CPEB1: variants seen among roughly 807,000 people sequenced by gnomAD.
The protein encoded by CPEB1 is cytoplasmic polyadenylation element binding protein 1.
In CPEB1, 7 loss-of-function variants were observed where a neutral mutation model predicts 65.8. The observed-to-expected ratio is 0.11, with a 90% CI of 0.06 to 0.20. CPEB1 has a LOEUF of 0.20. Ranked by LOEUF, CPEB1 falls within the 10% of genes least tolerant of loss-of-function variation. The pLI, the probability that CPEB1 is intolerant of heterozygous loss-of-function variation, is 1.00. For missense variants in CPEB1, 551 were observed against 712.2 expected, an observed-to-expected ratio of 0.77 and a Z score of 2.58; for synonymous variants, 262 against 260.0, an observed-to-expected ratio of 1.01 and a Z score of -0.08.
chr15:82,600,285 T>C (rs997943301), intron 3 of CPEB1, among the ~76,000 whole-genome samples: 2 of 152,144 alleles, frequency 1.3e-5, no homozygotes, highest in Admixed American at 6.6e-5. Flanking sequence ...CAATCAAGAA[T>C]TGTGTAACCA....
chr15:82,611,199 C>A (rs2044124441), intron 3 of CPEB1, among the ~76,000 whole-genome samples: 1 of 151,306 alleles, frequency 6.6e-6, no homozygotes. Context: ...GATGATACAC[C>A]CAGAAGGCAT....
chr15:82,580,318 T>G (rs1479232225), intron 3 of CPEB1, among the ~76,000 whole-genome samples: 2 of 141,222 alleles, frequency 1.4e-5, no homozygotes, highest in East Asian at 2.0e-4. Flanking sequence ...AGACTCTGTC[T>G]TAAAAAAAAA....
At chr15:82,603,089 T>C (rs995086973) in intron 3 of CPEB1, among the ~76,000 whole-genome samples, 1 of 152,044 alleles carries the variant, frequency 6.6e-6, no homozygotes, top group African/African-American at 2.4e-5. Context: ...CAACATTCTT[T>C]GTGGCCTTTT....
At chr15:82,592,350 G>A (rs1850272731) in intron 3 of CPEB1, among the ~76,000 whole-genome samples, 2 of 151,920 alleles carry the variant, frequency 1.3e-5, no homozygotes, top group South Asian at 4.2e-4. Context: ...CACTTTGGGA[G>A]GCAGAGATGG....
chr15:82,548,929 C>T (rs1428064988), intron 10 of CPEB1, among the ~76,000 whole-genome samples: 1 of 152,220 alleles, frequency 6.6e-6, no homozygotes, highest in Admixed American at 6.5e-5. Context: ...GAATTGACCT[C>T]CTTTCTCAGA....
chr15:82,565,286 A>T (rs1023780767), intron 4 of CPEB1, among the ~76,000 whole-genome samples: 2 of 152,166 alleles, frequency 1.3e-5, no homozygotes, highest in African/African-American at 4.8e-5. Flanking sequence ...CAGCAAAGAC[A>T]ATGGAAAGAA....
intron 3 of CPEB1, among the ~76,000 whole-genome samples, chr15:82,626,492 A>AG (rs2045790247): frequency 1.3e-5 from 2 of 152,136 alleles, no homozygotes; most frequent in Admixed American, 1.3e-4. Context: ...ACTCAAACCC[A>AG]GAACACTTCA....
chr15:82,555,924 G>C lies in CPEB1; in HGVS notation c.886C>G (p.Pro296Ala). Residue 296 changes from proline to alanine, a missense_variant, in exon 6 of 13, where the codon CCC (proline) becomes GCC (alanine). By Grantham distance (27) the Pro-to-Ala change is conservative. This residue lies in a region of CPEB1 where 128 missense variants were observed against 129.1 expected (regional missense o/e 0.99). Transcript: ENST00000684509. ...CTCTCTATGCTGAAGGGGTCTTTGGGAGCTTCGAGGAGGTCCCAGGATGGC... is the reference window on the plus strand; with the variant it reads ...CTCTCTATGCTGAAGGGGTCTTTGGCAGCTTCGAGGAGGTCCCAGGATGGC... ...VWPSWDLLEA[P>A]KDPFSIEREA... 1.2e-6 allele frequency: 2 copies of C among 1,613,666 alleles called. No homozygotes were observed. Among genetic ancestry groups the C allele is most frequent in the Non-Finnish European group, 1.7e-6 (2 of 1,179,824 alleles).
chr15:82,576,433 T>A (rs1037338853), intron 3 of CPEB1, among the ~76,000 whole-genome samples: 2 of 152,238 alleles, frequency 1.3e-5, no homozygotes, highest in Non-Finnish European at 2.9e-5. Flanking sequence ...TCACTGCATA[T>A]AAATTTTACC....
At chr15:82,606,453 C>A (rs1239892205) in intron 3 of CPEB1, among the ~76,000 whole-genome samples, 1 of 140,510 alleles carries the variant, frequency 7.1e-6, no homozygotes, top group East Asian at 2.1e-4. Context: ...CTGGGTGACA[C>A]AGGGATACTC....
rs1446337800 is a variant in CPEB1 at position 82,552,574 on chromosome 15, G to A, written c.1187C>T (p.Ser396Phe). The A allele has an allele frequency of 1.9e-6, 3 of 1,613,960 alleles. No homozygotes were observed. Among genetic ancestry groups the A allele is most frequent in the Non-Finnish European group, 2.5e-6 (3 of 1,179,920 alleles). Residue 396 changes from serine (S) to phenylalanine (F), a missense_variant, in exon 9 of 13, where the codon TCC (serine) becomes TTC (phenylalanine). Transcript: ENST00000684509. ...LVFELEKSVR[S>F]LLQACSHDPL... is the part of the protein sequence containing the mutation. ...GTCATGAGAGCAAGCCTGAAGCAAG[G>A]ATCGGACAGACTTCTCTAGTTCGAA...
intron 1 of CPEB1, among the ~76,000 whole-genome samples, chr15:82,639,716 G>C (rs1273050791): frequency 6.6e-6 from 1 of 152,136 alleles, no homozygotes; most frequent in Non-Finnish European, 1.5e-5. Context: ...AGAACTGAGT[G>C]ACTTACTATA....
At chr15:82,622,462 G>A (rs774174405) in intron 3 of CPEB1, among the ~76,000 whole-genome samples, 2 of 152,100 alleles carry the variant, frequency 1.3e-5, no homozygotes, top group Non-Finnish European at 2.9e-5. Context: ...AATACAGAGT[G>A]CAACCTCGGC....
At chr15:82,628,784 T>C (rs908225902) in intron 1 of CPEB1, 1 of 237,364 alleles carries the variant, frequency 4.2e-6, no homozygotes, top group Non-Finnish European at 8.2e-6. Flanking sequence ...AATATGAAGA[T>C]CTTTATGATT....
intron 3 of CPEB1, chr15:82,571,906 C>T (rs1050913230): frequency 1.9e-5 from 19 of 982,702 alleles, no homozygotes; most frequent in Middle Eastern, 4.9e-4. Context: ...ACTTGCCTCC[C>T]AGGGAAAGAC....
At chr15:82,566,695 T>C (rs2039185693) in intron 4 of CPEB1, among the ~76,000 whole-genome samples, 1 of 151,946 alleles carries the variant, frequency 6.6e-6, no homozygotes, top group Non-Finnish European at 1.5e-5. Flanking sequence ...GCACACATCC[T>C]GCCCCTGTCA....
intron 3 of CPEB1, among the ~76,000 whole-genome samples, chr15:82,575,116 G>A (rs1239042273): frequency 6.6e-6 from 1 of 152,128 alleles, no homozygotes; most frequent in South Asian, 2.1e-4. Flanking sequence ...AACTGAATGC[G>A]TATCATTTTC....
intron 3 of CPEB1, among the ~76,000 whole-genome samples, chr15:82,601,700 T>C (rs1010648458): frequency 2.0e-5 from 3 of 152,186 alleles, no homozygotes; most frequent in Non-Finnish European, 4.4e-5. Flanking sequence ...AGAAAAGATA[T>C]GCCATTCAAG....
At position 82,603,271 on chromosome 15, in the gene CPEB1, C is replaced by T. The variant is rs544724741; in HGVS notation, c.271+23922G>A. 2.6e-5 allele frequency among the ~76,000 whole-genome samples: 4 copies of T among 152,130 alleles called. No individual in the cohort carries two copies. The South Asian group carries it at 8.3e-4, about 32-fold the overall frequency. ...TTACTTGACCTTTTACATGGTTACA[C>T]ACAAGGTCCCACTTATGTGGTTGTA... On this transcript the variant is annotated intron_variant, in intron 3 of 12. Coordinates refer to ENST00000684509, the MANE Select transcript of CPEB1 (RefSeq NM_001365242.1).
Sources: allele counts gnomAD v4.1 joint callset (sites outside exome capture counted in the v4.1 genomes callset), GRCh38; gene constraint gnomAD v4.1.1; regional missense constraint gnomAD v4.1.1; transcripts MANE v1.5; gene names NCBI Gene and HGNC (gene_info 2026-07-23, HGNC 2026-07-21).